PIWIL1: variants seen among roughly 807,000 people sequenced by gnomAD.
PIWIL1 encodes piwi like RNA-mediated gene silencing 1.
A neutral mutation model predicts 114.4 loss-of-function variants in PIWIL1; 73 were observed. The ratio of observed to expected loss-of-function variants is 0.64; its 90% confidence interval spans 0.53 to 0.78. The LOEUF (loss-of-function observed/expected upper bound fraction) is 0.78. Ranked by LOEUF, PIWIL1 falls within the 30% of genes least tolerant of loss-of-function variation. The pLI is 0.00. For synonymous variants in PIWIL1, 375 were observed against 369.0 expected (o/e 1.02, Z -0.19); for missense variants, 723 against 1,063.1 (o/e 0.68, Z 4.45).
chr12:130,378,523 T>A, the PIWIL1 span, among the ~76,000 whole-genome samples: 6 of 152,214 alleles, frequency 3.9e-5, no homozygotes, highest in Admixed American at 3.9e-4. Flanking sequence ...GAAGCATGTC[T>A]GCAACTTCAT....
chr12:130,377,390 G>T (rs1230793231), downstream of PIWIL1, among the ~76,000 whole-genome samples: 1 of 152,186 alleles, frequency 6.6e-6, no homozygotes, highest in Non-Finnish European at 1.5e-5. Flanking sequence ...TCACCAGGGA[G>T]CTCTAGCAAC....
At chr12:130,356,557 G>A (rs1250858649) in intron 12 of PIWIL1, among the ~76,000 whole-genome samples, 4 of 152,092 alleles carry the variant, frequency 2.6e-5, no homozygotes, top group Admixed American at 2.0e-4. Flanking sequence ...CAGTCAAGTT[G>A]TTTTACTCTC....
intron 14 of PIWIL1, among the ~76,000 whole-genome samples, chr12:130,360,201 C>CT (rs1243875517): frequency 1.3e-5 from 2 of 152,164 alleles, no homozygotes; most frequent in African/African-American, 2.4e-5. Context: ...TCATGTCACA[C>CT]TTTAGATCCC....
the PIWIL1 span, among the ~76,000 whole-genome samples, chr12:130,406,528 C>G: frequency 6.6e-6 from 1 of 152,192 alleles, no homozygotes; most frequent in East Asian, 1.9e-4. Flanking sequence ...ATTTTTAAAG[C>G]TAGTGAAATG....
At chr12:130,416,702 CACAA>C in the PIWIL1 span, among the ~76,000 whole-genome samples, 1 of 152,170 alleles carries the variant, frequency 6.6e-6, no homozygotes, top group Admixed American at 6.5e-5. Context: ...ACAATTGCCA[CACAA>C]ACAAAAATTA....
At chr12:130,342,947 C>A in intron 2 of PIWIL1, 43 bp from the exon 3 acceptor site, 1 of 1,438,434 alleles carries the variant, frequency 7.0e-7, no homozygotes. Context: ...TGGTGTCTGA[C>A]CGCTTGACGA....
the PIWIL1 span, among the ~76,000 whole-genome samples, chr12:130,417,847 T>G: frequency 6.7e-6 from 1 of 150,246 alleles, no homozygotes; most frequent in Non-Finnish European, 1.5e-5. Context: ...TATGTGTATA[T>G]ATGTATGGAG....
chr12:130,346,616 C>T, intron 5 of PIWIL1, 32 bp downstream of exon 5: 1 of 1,528,296 alleles, frequency 6.5e-7, no homozygotes, highest in Non-Finnish European at 9.1e-7. Context: ...GGGGGATTTC[C>T]ACTTCAAAGC....
downstream of PIWIL1, among the ~76,000 whole-genome samples, chr12:130,375,769 C>T (rs1035563892): frequency 6.6e-6 from 1 of 152,058 alleles, no homozygotes; most frequent in Non-Finnish European, 1.5e-5. Context: ...TCCCTCAAAA[C>T]TCCTGTGTTG....
chr12:130,358,794 G>C (rs865867022), intron 14 of PIWIL1, among the ~76,000 whole-genome samples: 12 of 152,154 alleles, frequency 7.9e-5, no homozygotes, highest in Admixed American at 1.3e-4. Context: ...CTCGCACACT[G>C]CTCTCTAGTA....
At chr12:130,369,317 T>G (rs1323231132) in intron 19 of PIWIL1, among the ~76,000 whole-genome samples, 2 of 152,208 alleles carry the variant, frequency 1.3e-5, no homozygotes, top group African/African-American at 4.8e-5. Flanking sequence ...TTTGAGTTGA[T>G]TCCATGTCTT....
the PIWIL1 span, among the ~76,000 whole-genome samples, chr12:130,417,890 A>G: frequency 6.6e-6 from 1 of 152,090 alleles, no homozygotes; most frequent in African/African-American, 2.4e-5. Context: ...ACTGACAGAT[A>G]ATATTGGTCT....
chr12:130,422,314 G>A, the PIWIL1 span: 2 of 560,320 alleles, frequency 3.6e-6, no homozygotes, highest in South Asian at 2.7e-5. The surrounding 1 kb of genome is among the most constrained non-coding windows in gnomAD (Gnocchi z 5.2). Flanking sequence ...TGCTGTTCCT[G>A]CCTTCTTTTT....
In PIWIL1 at chr12:130,356,900, G is replaced by A. The variant is rs199724409; in HGVS notation, c.1405-18G>A. ...GAACTTACAATGGAATTTACAGTGTGTCTGAACTCTCTTCTAGTTTGATTA... is the reference window on the plus strand; with the variant it reads ...GAACTTACAATGGAATTTACAGTGTATCTGAACTCTCTTCTAGTTTGATTA... On this transcript the variant is annotated intron_variant, in intron 12 of 20. Transcript: ENST00000245255. 2.5e-6 allele frequency: 4 copies of A among 1,576,412 alleles called. No homozygotes were observed. In the East Asian group the frequency reaches 6.8e-5, roughly 27 times the overall value.
At chr12:130,415,572 T>G in the PIWIL1 span, among the ~76,000 whole-genome samples, 7 of 152,066 alleles carry the variant, frequency 4.6e-5, no homozygotes, top group South Asian at 2.1e-4. Flanking sequence ...GAGAAAGAAA[T>G]AAAAGGCATC....
chr12:130,361,516 G>C lies in PIWIL1; in HGVS notation c.1885G>C (p.Val629Leu). 6.2e-7 allele frequency: 1 copy of C among 1,614,108 alleles called. No homozygotes were observed. Among genetic ancestry groups the C allele is most frequent in the Non-Finnish European group, 8.5e-7 (1 of 1,180,008 alleles). Residue 629 changes from valine (V) to leucine (L), a missense_variant, in exon 16 of 21, where the codon GTT (valine) becomes CTT (leucine). Transcript: ENST00000245255. ...VDIPLKLVMI[V>L]GIDCYHDMTA... ...ATTGAAGCTGAAGCTCGTGATGATC[G>C]TTGGCATCGATTGTTACCATGACAT... is the stretch of plus-strand genomic sequence containing the variant.
chr12:130,403,190 C>G, the PIWIL1 span, among the ~76,000 whole-genome samples: 1 of 152,278 alleles, frequency 6.6e-6, no homozygotes, highest in East Asian at 1.9e-4. Flanking sequence ...TTTTTGGTAT[C>G]AAATTAGGTG....
chr12:130,404,408 C>A, the PIWIL1 span, among the ~76,000 whole-genome samples: 1 of 152,166 alleles, frequency 6.6e-6, no homozygotes, highest in Admixed American at 6.5e-5. Context: ...AGTGATTCTC[C>A]TGCCTCAGCC....
intron 1 of PIWIL1, chr12:130,339,765 T>C (rs1002032616): frequency 2.6e-5 from 4 of 152,148 alleles, no homozygotes; most frequent in African/African-American, 9.7e-5. Flanking sequence ...GAGAATCAGC[T>C]GGAGGGCTGC....
Sources: allele counts gnomAD v4.1 joint callset (sites outside exome capture counted in the v4.1 genomes callset), GRCh38; gene constraint gnomAD v4.1.1; non-coding constraint Gnocchi (gnomAD v3.1); transcripts MANE v1.5; gene names NCBI Gene and HGNC (gene_info 2026-07-23, HGNC 2026-07-21).